Variants in AGBL4 observed in about 807,000 individuals in gnomAD.
AGBL4 encodes the protein AGBL carboxypeptidase 4.
AGBL4 carries 58 observed loss-of-function variants against 66.4 expected under a neutral mutation model. That is an observed-to-expected ratio of 0.87 (90% CI 0.71 to 1.09). The LOEUF is 1.09. Ranked by LOEUF, AGBL4 falls within the 50% of genes least tolerant of loss-of-function variation. AGBL4 has a pLI of 0.00. For missense variants in AGBL4, 579 were observed against 631.0 expected, an observed-to-expected ratio of 0.92 and a Z score of 0.88; for synonymous variants, 234 against 222.9, an observed-to-expected ratio of 1.05 and a Z score of -0.44.
chr1:49,948,607 A>AGT, intron 1 of AGBL4, among the ~76,000 whole-genome samples: 1 of 144,102 alleles, frequency 6.9e-6, no homozygotes, highest in South Asian at 2.1e-4. Context: ...AGAGAGAGAG[A>AGT]TACACTTAGG....
chr1:48,837,506 C>T (rs775163700), intron 6 of AGBL4, among the ~76,000 whole-genome samples: 1 of 151,506 alleles, frequency 6.6e-6, no homozygotes, highest in Non-Finnish European at 1.5e-5. Context: ...ACTTAGCCTC[C>T]CAGCCTACAT....
chr1:49,030,653 G>C (rs1471811914), intron 5 of AGBL4, among the ~76,000 whole-genome samples: 1 of 152,002 alleles, frequency 6.6e-6, no homozygotes, highest in Admixed American at 6.6e-5. Flanking sequence ...ACTAATGCCT[G>C]ATAATATGAG....
At chr1:49,702,387 A>G (rs1647113680) in intron 2 of AGBL4, among the ~76,000 whole-genome samples, 3 of 152,200 alleles carry the variant, frequency 2.0e-5, no homozygotes, top group Middle Eastern at 3.4e-3. Context: ...GCTACTCGGG[A>G]GGCTGAGGAA....
intron 3 of AGBL4, among the ~76,000 whole-genome samples, chr1:49,275,641 C>T (rs951701338): frequency 1.3e-5 from 2 of 152,012 alleles, no homozygotes; most frequent in Non-Finnish European, 2.9e-5. Context: ...TCAGAAAAAA[C>T]CTATAGTATA....
intron 11 of AGBL4, among the ~76,000 whole-genome samples, chr1:48,540,979 C>A (rs545886388): frequency 2.5e-4 from 38 of 152,280 alleles, no homozygotes; most frequent in African/African-American, 8.7e-4. Flanking sequence ...TCTCAGTTAC[C>A]TTCAAAGTCC....
intron 2 of AGBL4, among the ~76,000 whole-genome samples, chr1:49,850,301 T>C (rs1646272328): frequency 6.6e-6 from 1 of 152,082 alleles, no homozygotes; most frequent in African/African-American, 2.4e-5. Flanking sequence ...ACACCAAAGA[T>C]TGCTAACAAC....
rs1223492483 is a variant in AGBL4 at position 49,877,125 on chromosome 1, C to G, written c.35-25607G>C. Among the ~76,000 whole-genome samples the G allele has an allele frequency of 3.3e-5, 5 of 151,652 alleles. No individual in the cohort carries two copies. The East Asian group carries it at 7.8e-4, about 24-fold the overall frequency. ...GCAAACAGGGACAATTTGACTTCCT[C>G]TTTTCCTAATTGAATACCCTTTATT... On this transcript the variant is annotated intron_variant, in intron 1 of 13. Coordinates refer to ENST00000371839, the MANE Select transcript of AGBL4 (RefSeq NM_032785.4).
intron 5 of AGBL4, among the ~76,000 whole-genome samples, chr1:48,932,316 A>C (rs562876072): frequency 6.6e-6 from 1 of 152,198 alleles, no homozygotes; most frequent in Non-Finnish European, 1.5e-5. Context: ...CCCTTAAAAA[A>C]ATGTGTTCCT....
At chr1:49,433,641 T>C (rs1217781519) in intron 3 of AGBL4, among the ~76,000 whole-genome samples, 1 of 152,200 alleles carries the variant, frequency 6.6e-6, no homozygotes, top group Non-Finnish European at 1.5e-5. Context: ...TGGGTATTGG[T>C]ATATGTCACT....
intron 1 of AGBL4, among the ~76,000 whole-genome samples, chr1:49,895,353 C>A (rs1649088961): frequency 6.6e-6 from 1 of 151,852 alleles, no homozygotes; most frequent in African/African-American, 2.4e-5. Flanking sequence ...ATACAGGAAA[C>A]CACAGAATAT....
intron 1 of AGBL4, among the ~76,000 whole-genome samples, chr1:49,911,335 C>T (rs533130272): frequency 1.6e-4 from 24 of 152,292 alleles, no homozygotes; most frequent in African/African-American, 5.8e-4. Context: ...GTGAGAAGCA[C>T]ACTGAGCTCT....
At chr1:49,412,502 C>T (rs1449453326) in intron 3 of AGBL4, among the ~76,000 whole-genome samples, 1 of 152,118 alleles carries the variant, frequency 6.6e-6, no homozygotes, top group Non-Finnish European at 1.5e-5. Flanking sequence ...AACAAACAAC[C>T]AGTCCCTGTA....
chr1:49,877,313 A>C (rs1271258706), intron 1 of AGBL4, among the ~76,000 whole-genome samples: 1 of 151,476 alleles, frequency 6.6e-6, no homozygotes, highest in Non-Finnish European at 1.5e-5. Context: ...GATAGCTCTT[A>C]TTATTTTGAA....
intron 3 of AGBL4, among the ~76,000 whole-genome samples, chr1:49,427,489 C>T (rs1474086451): frequency 6.6e-6 from 1 of 152,172 alleles, no homozygotes; most frequent in Non-Finnish European, 1.5e-5. Flanking sequence ...GGTTCTTGGT[C>T]TCGCTGACTT....
At chr1:49,483,320 A>C (rs1249965723) in intron 3 of AGBL4, among the ~76,000 whole-genome samples, 1 of 152,076 alleles carries the variant, frequency 6.6e-6, no homozygotes, top group African/African-American at 2.4e-5. Flanking sequence ...TATGCAAGAC[A>C]CTGAACAAGA....
At chr1:49,053,575 T>C (rs1444908885) in intron 4 of AGBL4, among the ~76,000 whole-genome samples, 2 of 152,112 alleles carry the variant, frequency 1.3e-5, no homozygotes, top group African/African-American at 4.8e-5. Flanking sequence ...GAATTTGAAA[T>C]ATGCCTGGGA....
intron 6 of AGBL4, among the ~76,000 whole-genome samples, chr1:48,768,397 TA>T (rs1030016703): frequency 4.6e-5 from 7 of 151,966 alleles, no homozygotes; most frequent in South Asian, 2.1e-4. Context: ...AGCTTTCTTG[TA>T]AAAAAAATGG....
intron 3 of AGBL4, among the ~76,000 whole-genome samples, chr1:49,311,224 G>A (rs920799673): frequency 3.1e-4 from 47 of 152,094 alleles, no homozygotes; most frequent in African/African-American, 1.1e-3. Context: ...TCAGTAAATT[G>A]AGTCTCAATG....
At chr1:49,869,787 G>C (rs768186260) in intron 1 of AGBL4, among the ~76,000 whole-genome samples, 9 of 152,152 alleles carry the variant, frequency 5.9e-5, no homozygotes, top group Non-Finnish European at 1.3e-4. Flanking sequence ...CGAAGATAAA[G>C]AGTGGATTGG....
Sources: gnomAD v4.1 joint callset for allele counts (sites outside exome capture counted in the v4.1 genomes callset) on GRCh38, gnomAD v4.1.1 for gene constraint, MANE v1.5 for transcripts, NCBI Gene and HGNC (gene_info 2026-07-23, HGNC 2026-07-21) for gene names.